Variants in ARSA observed in about 807,000 individuals in gnomAD.
ARSA encodes arylsulfatase A.
Under a neutral mutation model 37.8 loss-of-function variants are expected in ARSA, and 32 were observed. That is an observed-to-expected ratio of 0.85 (90% CI 0.64 to 1.14). The LOEUF (loss-of-function observed/expected upper bound fraction) is 1.14, where lower values mean the gene tolerates loss of function less well. ARSA is among the 50% of genes most tolerant of loss of function. The probability of loss-of-function intolerance (pLI) is 0.00; values close to 1 mark genes in which losing one functional copy is unlikely to be tolerated. For missense variants in ARSA, 685 were observed against 686.3 expected, an observed-to-expected ratio of 1.00 and a Z score of 0.02; for synonymous variants, 303 against 303.4, an observed-to-expected ratio of 1.00 and a Z score of 0.01.
chr22:50,626,753 T>G lies in ARSA; in HGVS notation c.692A>C (p.His231Pro). Residue 231 changes from histidine to proline, a missense_variant, in exon 4 of 8, where the codon CAC (histidine) becomes CCC (proline). Physicochemically the swap from His to Pro is moderately conservative, Grantham distance 77. Coordinates refer to ENST00000216124, the MANE Select transcript of ARSA (RefSeq NM_000487.6). ...GCTCTGCCCACTGAACTGAGGGTAGTGGGTGTGCTGGGGGCAAAGACTGGA... is the reference window on the plus strand; with the variant it reads ...GCTCTGCCCACTGAACTGAGGGTAGGGGGTGTGCTGGGGGCAAAGACTGGA... The part of the protein sequence containing the change: ...FFLYYASHHT[H>P]YPQFSGQSFA... 6.2e-7 allele frequency: 1 copy of G among 1,612,728 alleles called. No homozygotes were observed. Among genetic ancestry groups the G allele is most frequent in the Non-Finnish European group, 8.5e-7 (1 of 1,179,056 alleles).
intron 1 of ARSA, 69 bp downstream of exon 1, chr22:50,627,487 C>G (rs985055865): frequency 1.3e-6 from 2 of 1,587,416 alleles, no homozygotes; most frequent in African/African-American, 2.7e-5. Flanking sequence ...TTTTCCCGCC[C>G]CCCTGCAATC....
At position 50,627,335 on chromosome 22, in the gene ARSA, C is replaced by G. The variant is rs759295985; in HGVS notation, c.296G>C (p.Arg99Pro). The change falls in exon 2 of 8, where the codon CGG becomes CCG. Residue 99 changes from arginine (R) to proline (P), a missense_variant. Transcript: ENST00000216124. The stretch of plus-strand genomic sequence containing the variant: ...CACCTCCTCCAGGGGCAGGCCCCCC[C>G]GGGAGCTGGGCACCAGGACGCCAGG... ...MYPGVLVPSSRGGLPLEEVTV... is the reference protein window; with the variant it reads ...MYPGVLVPSSPGGLPLEEVTV... The G allele has an allele frequency of 2.8e-5, 45 of 1,592,644 alleles. No individual in the cohort carries two copies. Among genetic ancestry groups the G allele is most frequent in the Admixed American group, 1.8e-4 (10 of 56,658 alleles).
rs1263154275 is a variant in ARSA at position 50,624,309 on chromosome 22, G to A, written c.*836C>T. 6.6e-6 allele frequency among the ~76,000 whole-genome samples: 1 copy of A among 152,210 alleles called. No individual in the cohort carries two copies. The highest frequency in any genetic ancestry group is 1.5e-5 in the Non-Finnish European group (1 of 68,028). On this transcript the variant is annotated 3_prime_UTR_variant, in exon 8 of 8. Coordinates refer to ENST00000216124, the MANE Select transcript of ARSA (RefSeq NM_000487.6). ...TGGTCTCGAACTCCCGACCTCAGGT[G>A]ATCCACCCGCCTCGGCTTCCTAAAG... is the stretch of plus-strand genomic sequence containing the variant.
In ARSA at chr22:50,626,642, C is replaced by A. The variant is rs201470165; in HGVS notation, c.803G>T (p.Gly268Val). ...AAVGTLMTAI[G>V]DLGLLEETLV... The stretch of plus-strand genomic sequence containing the variant: ...CGTCTCTTCAAGCAGCCCCAGGTCC[C>A]CTATGGCTGTCATCAGGGTCCCCAC... The change falls in exon 4 of 8, where the codon GGG becomes GTG. Residue 268 changes from glycine (G) to valine (V), a missense_variant. Transcript: ENST00000216124. 6.2e-7 allele frequency: 1 copy of A among 1,614,128 alleles called. No homozygotes were observed. Among genetic ancestry groups the A allele is most frequent in the Non-Finnish European group, 8.5e-7 (1 of 1,180,040 alleles).
intron 4 of ARSA, 113 bp from the exon 5 acceptor site, chr22:50,626,391 G>A (rs1344543228): frequency 6.5e-6 from 10 of 1,527,082 alleles, no homozygotes; most frequent in East Asian, 2.4e-5. Flanking sequence ...TGCCCAGCAT[G>A]AGCCCGGCAC....
In ARSA at chr22:50,623,481, C is replaced by T. The variant is rs1191308352; in HGVS notation, c.*1664G>A. ...TGCAGACAGGGTCTCACTCTGTCCC[C>T]GAGGCTGGAGTGCAGTGGTACAATT... On this transcript the variant is annotated 3_prime_UTR_variant, in exon 8 of 8. Transcript: ENST00000216124. Among the ~76,000 whole-genome samples the T allele has an allele frequency of 2.6e-5, 4 of 152,254 alleles. No homozygotes were observed. In the South Asian group the frequency reaches 6.2e-4, roughly 24 times the overall value.
chr22:50,627,629 G>A lies in ARSA; in HGVS notation c.151C>T (p.Leu51=). ...YGHPSSTTPN[L]DQLAAGGLRF... is the part of the protein sequence containing the mutation. ...AGCCCTCCCGCCGCCAGCTGGTCCAGGTTGGGAGTGGTAGAGCTGGGGTGC... is the reference window on the plus strand; with the variant it reads ...AGCCCTCCCGCCGCCAGCTGGTCCAAGTTGGGAGTGGTAGAGCTGGGGTGC... The change falls in exon 1 of 8, where the codon CTG becomes TTG. Residue 51 remains leucine, a synonymous_variant. Transcript: ENST00000216124. 6.4e-7 allele frequency: 1 copy of A among 1,561,508 alleles called. No individual in the cohort carries two copies. Among genetic ancestry groups the A allele is most frequent in the Non-Finnish European group, 8.7e-7 (1 of 1,152,290 alleles).
In ARSA at chr22:50,625,166, A is replaced by C; in HGVS notation, c.1509T>G (p.His503Gln). 1 of 1,584,852 alleles carries C rather than the reference A, an allele frequency of 6.3e-7. No individual in the cohort carries two copies. The highest frequency in any genetic ancestry group is 8.6e-7 in the Non-Finnish European group (1 of 1,166,422). ...PGCTPRPACC[H>Q]CPDPHA Reference sequence around the variant, plus strand: ...GCCCTCAGGCATGGGGATCTGGGCAATGGCAGCAAGCTGGGCGGGGGGTGC... The same window carrying C: ...GCCCTCAGGCATGGGGATCTGGGCACTGGCAGCAAGCTGGGCGGGGGGTGC... The change falls in exon 8 of 8, where the codon CAT becomes CAG. Residue 503 changes from histidine to glutamine, a missense_variant. Coordinates refer to ENST00000216124, the MANE Select transcript of ARSA (RefSeq NM_000487.6).
At position 50,625,435 on chromosome 22, in the gene ARSA, G is replaced by T. The variant is rs1389595596; in HGVS notation, c.1240C>A (p.Pro414Thr). ...AGAGAGCTGGAGGCGTGGCAGGCAG[G>T]GTCTGCAGTGGTATCACTGTGGGCA... ...GSAHSDTTAD[P>T]ACHASSSLTA... The change falls in exon 8 of 8, where the codon CCT becomes ACT. Residue 414 changes from proline (P) to threonine (T), a missense_variant. By Grantham distance (38) the Pro-to-Thr change is conservative. Coordinates refer to ENST00000216124, the MANE Select transcript of ARSA (RefSeq NM_000487.6). 6.3e-7 allele frequency: 1 copy of T among 1,597,778 alleles called. No homozygotes were observed. The highest frequency in any genetic ancestry group is 1.3e-5 in the African/African-American group (1 of 74,668).
chr22:50,624,091 GAC>G lies in ARSA; in HGVS notation c.*1052_*1053del, dbSNP rs1191875672. Among the ~76,000 whole-genome samples the G allele has an allele frequency of 2.6e-5, 4 of 152,006 alleles. No homozygotes were observed. The East Asian group carries it at 7.8e-4, about 30-fold the overall frequency. ...GCCTAACAGATTTTTTGTTTTTTGA[GAC>G]AGAGTTTTTCTCTTGTTGCCCAGGC... On this transcript the variant is annotated 3_prime_UTR_variant, in exon 8 of 8. Coordinates refer to ENST00000216124, the MANE Select transcript of ARSA (RefSeq NM_000487.6).
intron 2 of ARSA, 35 bp from the exon 3 acceptor site, chr22:50,627,087 C>A: frequency 6.3e-7 from 1 of 1,595,810 alleles, no homozygotes; most frequent in South Asian, 1.1e-5. Flanking sequence ...GCTGGGCTGG[C>A]AGGTGGGGCT....
Position 50,626,822 on chromosome 22 carries a change from A to C in ARSA, c.684+12T>G. The C allele has an allele frequency of 6.2e-7, 1 of 1,611,536 alleles. No homozygotes were observed. ...TCACGGGCAGCCAGGGGGTTGGGCC[A>C]AGATCACTTACGTGAGAGGCATAGT... On this transcript the variant is annotated intron_variant, in intron 3 of 7. Transcript: ENST00000216124.
At position 50,625,367 on chromosome 22, in the gene ARSA, G is replaced by A. The variant is rs886978036; in HGVS notation, c.1308C>T (p.Asp436=). Residue 436 remains aspartate (D), a synonymous_variant, in exon 8 of 8, where the codon GAC becomes GAT. Transcript: ENST00000216124. ...CCAGCAGGTTGTAGTTCTCACCAGG[G>A]TCCTTGGACAGGTCATAGAGCAGCG... is the stretch of plus-strand genomic sequence containing the variant. ...EPPLLYDLSK[D]PGENYNLLGG... The A allele has an allele frequency of 6.2e-7, 1 of 1,607,636 alleles. No individual in the cohort carries two copies. The highest frequency in any genetic ancestry group is 8.5e-7 in the Non-Finnish European group (1 of 1,176,258).
intron 1 of ARSA, 52 bp from the exon 2 acceptor site, chr22:50,627,458 T>C: frequency 1.2e-6 from 2 of 1,604,122 alleles, no homozygotes; most frequent in Non-Finnish European, 1.7e-6. Context: ...TGGCCTTCCC[T>C]AGAGAGAGAG....
At position 50,623,525 on chromosome 22, in the gene ARSA, G is replaced by C. The variant is rs918998369; in HGVS notation, c.*1620C>G. On this transcript the variant is annotated 3_prime_UTR_variant, in exon 8 of 8. Coordinates refer to ENST00000216124, the MANE Select transcript of ARSA (RefSeq NM_000487.6). ...TACAATTATAGCTCACTACAGCCTCGACCTAGTGGGCTGAAGTGATTCTCC... is the reference window on the plus strand; with the variant it reads ...TACAATTATAGCTCACTACAGCCTCCACCTAGTGGGCTGAAGTGATTCTCC... Among the ~76,000 whole-genome samples the C allele has an allele frequency of 6.6e-6, 1 of 152,010 alleles. No individual in the cohort carries two copies. The highest frequency in any genetic ancestry group is 2.4e-5 in the African/African-American group (1 of 41,386).
In ARSA at chr22:50,627,290, G is replaced by A; in HGVS notation, c.341C>T (p.Ala114Val). ...LEEVTVAEVLAARGYLTGMAG... is the reference protein window; with the variant it reads ...LEEVTVAEVLVARGYLTGMAG... ...CATTCCTGTGAGGTAGCCTCGGGCA[G>A]CCAGGACTTCGGCCACGGTCACCTC... Residue 114 changes from alanine to valine, a missense_variant, in exon 2 of 8, where the codon GCT becomes GTT. Transcript: ENST00000216124. 2 of 1,591,268 alleles carry A rather than the reference G, an allele frequency of 1.3e-6. No homozygotes were observed. Among genetic ancestry groups the A allele is most frequent in the Non-Finnish European group, 1.7e-6 (2 of 1,169,802 alleles).
In ARSA at chr22:50,626,720, T is replaced by C. The variant is rs1403824251; in HGVS notation, c.725A>G (p.Glu242Gly). 1 of 1,614,034 alleles carries C rather than the reference T, an allele frequency of 6.2e-7. No individual in the cohort carries two copies. The highest frequency in any genetic ancestry group is 8.5e-7 in the Non-Finnish European group (1 of 1,179,964). Residue 242 changes from glutamate (E) to glycine (G), a missense_variant, in exon 4 of 8, where the codon GAG becomes GGG. Transcript: ENST00000216124. ...YPQFSGQSFA[E>G]RSGRGPFGDS... ...CCCAAATGGCCCGCGGCCTGAACGC[T>C]CTGCAAAGCTCTGCCCACTGAACTG...
In ARSA at chr22:50,625,999, G is replaced by A. The variant is rs982515074; in HGVS notation, c.1044C>T (p.Ala348=). 6.3e-7 allele frequency: 1 copy of A among 1,578,356 alleles called. No individual in the cohort carries two copies. Among genetic ancestry groups the A allele is most frequent in the Non-Finnish European group, 8.6e-7 (1 of 1,163,218 alleles). ...LLPTLAALAG[A]PLPNVTLDGF... ...CATCCAAGGTGACATTGGGCAGTGG[G>A]GCCCCAGCCAGGGCTGCCAGGGTAG... Residue 348 remains alanine, a synonymous_variant, in exon 6 of 8, where the codon GCC becomes GCT. Coordinates refer to ENST00000216124, the MANE Select transcript of ARSA (RefSeq NM_000487.6).
Position 50,625,127 on chromosome 22 carries a change from A to G in ARSA, c.*18T>C. Reference sequence around the variant, plus strand: ...CCCAGTGAGGAGCCATCACATGCCCAGGCCAGCCGAGGGGCCCTCAGGCAT... The same window carrying G: ...CCCAGTGAGGAGCCATCACATGCCCGGGCCAGCCGAGGGGCCCTCAGGCAT... On this transcript the variant is annotated 3_prime_UTR_variant, in exon 8 of 8. Coordinates refer to ENST00000216124, the MANE Select transcript of ARSA (RefSeq NM_000487.6). The G allele has an allele frequency of 6.5e-7, 1 of 1,527,392 alleles. No homozygotes were observed. Among genetic ancestry groups the G allele is most frequent in the Non-Finnish European group, 8.8e-7 (1 of 1,138,704 alleles). 94.6% of individuals were successfully genotyped at this position (1,527,392 alleles called of 1,614,324 possible).
Sources: gnomAD v4.1 joint callset for allele counts (sites outside exome capture counted in the v4.1 genomes callset) on GRCh38, gnomAD v4.1.1 for gene constraint, MANE v1.5 for transcripts, NCBI Gene and HGNC (gene_info 2026-07-23, HGNC 2026-07-21) for gene names.